ADAM15: variants seen among roughly 807,000 people sequenced by gnomAD.
ADAM15 encodes ADAM metallopeptidase domain 15, also known as disintegrin and metalloproteinase domain-containing protein 15.
In ADAM15, 77 loss-of-function variants were observed where a neutral mutation model predicts 113.8. The ratio of observed to expected loss-of-function variants is 0.68; its 90% CI spans 0.56 to 0.82. The LOEUF is 0.82. ADAM15 is among the 40% of genes least tolerant of loss of function. The probability of loss-of-function intolerance (pLI) is 0.00; values close to 1 mark genes in which losing one functional copy is unlikely to be tolerated. For synonymous variants in ADAM15, 388 were observed against 454.1 expected (o/e 0.85, Z 1.85); for missense variants, 963 against 1,120.1 (o/e 0.86, Z 2.00).
At chr1:155,059,607 CA>C (rs1662278084) in intron 16 of ADAM15, among the ~76,000 whole-genome samples, 1 of 152,092 alleles carries the variant, frequency 6.6e-6, no homozygotes, top group African/African-American at 2.4e-5. Context: ...CCAGCCTGGG[CA>C]ACAGAGTGAG....
Position 155,054,234 on chromosome 1 carries a change from G to A in ADAM15, c.419+8G>A. On this transcript the variant is annotated splice_region_variant and intron_variant, in intron 5 of 22. Transcript: ENST00000356955. ...CACCTGCTCTGGGCTCAGGTATACT[G>A]GGCGGATTTAATGACAGTAGAGAAA... The A allele has an allele frequency of 1.3e-6, 2 of 1,593,940 alleles. No individual in the cohort carries two copies. The highest frequency in any genetic ancestry group is 1.1e-5 in the South Asian group (1 of 88,506).
rs375045336 is a variant in ADAM15, at chr1:155,053,397, C to T, written c.187-20C>T. The T allele has an allele frequency of 7.4e-6, 12 of 1,613,276 alleles. No individual in the cohort carries two copies. The African/African-American group carries it at 1.5e-4, about 20-fold the overall frequency. ...TTGTGGACAGGTCTAGGGAGGTGAC[C>T]TGCCCTCTGGTGCCCACAGACCAGT... On this transcript the variant is annotated intron_variant, in intron 2 of 22. Coordinates refer to ENST00000356955, the MANE Select transcript of ADAM15 (RefSeq NM_207197.3).
rs1463102538 is a variant in ADAM15, at chr1:155,062,217, A to C, written c.2425-28A>C. On this transcript the variant is annotated intron_variant, in intron 21 of 22. Transcript: ENST00000356955. The surrounding 1 kb of genome is among the most constrained non-coding windows in gnomAD (Gnocchi z 7.0). ...GGGCAACATGACACCCCCCCACCTA[A>C]GCCGGCCTCCTGCCTTCTCTCCCTC... 24 of 1,446,022 alleles carry C rather than the reference A, an allele frequency of 1.7e-5. No homozygotes were observed. The highest frequency in any genetic ancestry group is 2.2e-5 in the Non-Finnish European group (24 of 1,096,632). 89.6% of individuals were successfully genotyped at this position (1,446,022 alleles called of 1,614,324 possible).
chr1:155,057,276 C>G lies in ADAM15; in HGVS notation c.1237C>G (p.Arg413Gly), dbSNP rs780987112. Residue 413 changes from arginine (R) to glycine (G), a missense_variant, in exon 12 of 23, where the codon CGG (arginine) becomes GGG (glycine). Physicochemically the swap from Arg to Gly is moderately radical, Grantham distance 125. Coordinates refer to ENST00000356955, the MANE Select transcript of ADAM15 (RefSeq NM_207197.3). This position sits in a 1 kb window ranked among gnomAD's most constrained non-coding sequence, Gnocchi z 5.0. ...TGGAATGGGCAGCTGCCTCTTCGAA[C>G]GGCTGCCTAGCCTACCCCCTATGGC... ...LDGMGSCLFE[R>G]LPSLPPMAAF... 1 of 1,614,186 alleles carries G rather than the reference C, an allele frequency of 6.2e-7. No homozygotes were observed. Among genetic ancestry groups the G allele is most frequent in the Non-Finnish European group, 8.5e-7 (1 of 1,180,022 alleles).
rs781004867 is a variant in ADAM15 at position 155,052,711 on chromosome 1, G to A, written c.120G>A (p.Pro40=). 14 of 1,611,910 alleles carry A rather than the reference G, an allele frequency of 8.7e-6. No homozygotes were observed. The highest frequency in any genetic ancestry group is 1.8e-4 in the Middle Eastern group (1 of 5,666). The change falls in exon 2 of 23, where the codon CCG becomes CCA. Residue 40 remains proline (P), a synonymous_variant. Coordinates refer to ENST00000356955, the MANE Select transcript of ADAM15 (RefSeq NM_207197.3). ...EEQQAESEKA[P]REPLEPQVLQ... ...AGCAGGCAGAGTCAGAGAAGGCCCC[G>A]AGGGAGCCCTTGGAGCCCCAGGTCC...
chr1:155,061,822 C>A, intron 20 of ADAM15, 82 bp from the exon 21 acceptor site: 1 of 1,411,830 alleles, frequency 7.1e-7, no homozygotes, highest in Non-Finnish European at 9.5e-7. Context: ...TGCATGTTGA[C>A]TTGAACCCCT....
chr1:155,051,686 C>T (rs1475879284), intron 1 of ADAM15: 14 of 449,352 alleles, frequency 3.1e-5, no homozygotes, highest in Non-Finnish European at 7.9e-6. Context: ...CCTGCCTGGT[C>T]ATCCTCTGCG....
Position 155,062,734 on chromosome 1 carries a change from G to C in ADAM15, c.*232G>C. ...GGATTGAGGAAGGTCCGCACAGCCTGTCTCTGCTCAGTTGCAATAAACGTG... is the reference window on the plus strand; with the variant it reads ...GGATTGAGGAAGGTCCGCACAGCCTCTCTCTGCTCAGTTGCAATAAACGTG... On this transcript the variant is annotated 3_prime_UTR_variant, in exon 23 of 23. Transcript: ENST00000356955. The surrounding 1 kb of genome is among the most constrained non-coding windows in gnomAD (Gnocchi z 7.0). 2 of 552,708 alleles carry C rather than the reference G, an allele frequency of 3.6e-6. No homozygotes were observed. The highest frequency in any genetic ancestry group is 5.0e-5 in the South Asian group (2 of 40,134). The allele number at this position is 552,708 out of a possible 1,614,324, so 34.2% of individuals were successfully genotyped here.
At chr1:155,059,068 G>C (rs914146928) in intron 16 of ADAM15, among the ~76,000 whole-genome samples, 1 of 152,024 alleles carries the variant, frequency 6.6e-6, no homozygotes, top group Admixed American at 6.5e-5. Flanking sequence ...TTTTTTGTTT[G>C]TTTGTTTGTT....
chr1:155,062,668 T>A lies in ADAM15; in HGVS notation c.*166T>A. 1.0e-6 allele frequency: 1 copy of A among 1,000,060 alleles called. No homozygotes were observed. The highest frequency in any genetic ancestry group is 1.4e-6 in the Non-Finnish European group (1 of 694,458). 61.9% of individuals were successfully genotyped at this position (1,000,060 alleles called of 1,614,324 possible). A position where few individuals can be genotyped will look rare whatever the true frequency, so the allele number is the denominator to read the frequency against. On this transcript the variant is annotated 3_prime_UTR_variant, in exon 23 of 23. Coordinates refer to ENST00000356955, the MANE Select transcript of ADAM15 (RefSeq NM_207197.3). The surrounding 1 kb of genome is among the most constrained non-coding windows in gnomAD (Gnocchi z 7.0). ...GCAACACTCTGCGGACCTGCCGGCG[T>A]AGTTGCAGCGGGGGCTTGGGGAGGG...
intron 6 of ADAM15, 91 bp downstream of exon 6, chr1:155,054,597 C>G: frequency 7.4e-7 from 1 of 1,352,786 alleles, no homozygotes; most frequent in South Asian, 1.7e-5. Context: ...AACAACAGCT[C>G]CTGCGAATGG....
In ADAM15 at chr1:155,056,060, G is replaced by A. The variant is rs1207168292; in HGVS notation, c.745-20G>A. Reference sequence around the variant, plus strand: ...CCCTGACCATGGCAACCCCTCTTCTGAGCCCCAGCTGTCTTTCAGTTCTTC... The same window carrying A: ...CCCTGACCATGGCAACCCCTCTTCTAAGCCCCAGCTGTCTTTCAGTTCTTC... On this transcript the variant is annotated intron_variant, in intron 8 of 22. Transcript: ENST00000356955. This position sits in a 1 kb window ranked among gnomAD's most constrained non-coding sequence, Gnocchi z 4.0. 1.2e-6 allele frequency: 2 copies of A among 1,612,308 alleles called. No individual in the cohort carries two copies. The highest frequency in any genetic ancestry group is 1.7e-6 in the Non-Finnish European group (2 of 1,179,744).
intron 3 of ADAM15, 106 bp from the exon 4 acceptor site, chr1:155,053,804 G>C: frequency 7.5e-7 from 1 of 1,334,624 alleles, no homozygotes; most frequent in Non-Finnish European, 1.0e-6. Context: ...AGTTGGCTGC[G>C]GGGGTTGCCT....
chr1:155,057,276 CG>C lies in ADAM15; in HGVS notation c.1239del (p.Leu414CysfsTer38), dbSNP rs1558126696. The C allele has an allele frequency of 6.2e-7, 1 of 1,614,186 alleles. No individual in the cohort carries two copies. The highest frequency in any genetic ancestry group is 8.5e-7 in the Non-Finnish European group (1 of 1,180,022). On this transcript the variant is annotated frameshift_variant, in exon 12 of 23. Coordinates refer to ENST00000356955, the MANE Select transcript of ADAM15 (RefSeq NM_207197.3). LOFTEE classifies it high-confidence loss of function. The surrounding 1 kb of genome is among the most constrained non-coding windows in gnomAD (Gnocchi z 5.0). ...TGGAATGGGCAGCTGCCTCTTCGAA[CG>C]GCTGCCTAGCCTACCCCCTATGGCT... ...LDGMGSCLFE[R>X]LPSLPPMAAF...
At chr1:155,059,412 C>T (rs1385706300) in intron 16 of ADAM15, among the ~76,000 whole-genome samples, 1 of 152,114 alleles carries the variant, frequency 6.6e-6, no homozygotes, top group African/African-American at 2.4e-5. Context: ...TTACTTGAGG[C>T]CAGGAGTTCA....
At chr1:155,059,161 A>G (rs1341126832) in intron 16 of ADAM15, among the ~76,000 whole-genome samples, 2 of 152,132 alleles carry the variant, frequency 1.3e-5, no homozygotes, top group Non-Finnish European at 2.9e-5. Context: ...TCTGCCTCCC[A>G]GGCTCAAACA....
intron 20 of ADAM15, 184 bp downstream of exon 20, chr1:155,061,673 A>ACCATC (rs1184556987): frequency 1.3e-6 from 1 of 797,786 alleles, no homozygotes. Flanking sequence ...GGTTTCTACC[A>ACCATC]CCATCTGGTG....
In ADAM15 at chr1:155,058,670, T is replaced by G; in HGVS notation, c.1918-40T>G. 6.3e-7 allele frequency: 1 copy of G among 1,599,500 alleles called. No homozygotes were observed. The highest frequency in any genetic ancestry group is 8.5e-7 in the Non-Finnish European group (1 of 1,173,180). ...TTGGCCTCCCAGTCCCATTAAAGCT[T>G]TGTGGGAATCTGATCCAGGCTCTTC... On this transcript the variant is annotated intron_variant, in intron 15 of 22. Coordinates refer to ENST00000356955, the MANE Select transcript of ADAM15 (RefSeq NM_207197.3). This position sits in a 1 kb window ranked among gnomAD's most constrained non-coding sequence, Gnocchi z 4.3.
rs2102432263 is a variant in ADAM15 at position 155,062,247 on chromosome 1, T to C, written c.2427T>C (p.Ser809=). Residue 809 remains serine, a splice_region_variant and synonymous_variant, in exon 22 of 23, where the codon TCT becomes TCC. Coordinates refer to ENST00000356955, the MANE Select transcript of ADAM15 (RefSeq NM_207197.3). This position sits in a 1 kb window ranked among gnomAD's most constrained non-coding sequence, Gnocchi z 7.0. ...PADPVVRSPK[S]QGPAKPPPPR... ...GCCTCCTGCCTTCTCTCCCTCAGTC[T>C]CAGGGGCCAGCCAAGCCCCCACCCC... is the stretch of plus-strand genomic sequence containing the variant. The C allele has an allele frequency of 6.9e-7, 1 of 1,452,594 alleles. No individual in the cohort carries two copies. Among genetic ancestry groups the C allele is most frequent in the Non-Finnish European group, 9.1e-7 (1 of 1,100,378 alleles). 90.0% of individuals were successfully genotyped at this position (1,452,594 alleles called of 1,614,324 possible). A position where few individuals can be genotyped will look rare whatever the true frequency, so the allele number is the denominator to read the frequency against.
Sources: gnomAD v4.1 joint callset for allele counts (sites outside exome capture counted in the v4.1 genomes callset) on GRCh38, gnomAD v4.1.1 for gene constraint, Gnocchi (gnomAD v3.1) non-coding constraint, MANE v1.5 for transcripts, NCBI Gene and HGNC (gene_info 2026-07-23, HGNC 2026-07-21) for gene names.